Variants in NFATC1 observed in about 807,000 individuals in gnomAD.
The protein encoded by NFATC1 is nuclear factor of activated T-cells, cytoplasmic 1.
Under a neutral mutation model 76.0 loss-of-function variants are expected in NFATC1, and 22 were observed. The observed-to-expected ratio is 0.29, with a 90% CI of 0.21 to 0.41. The LOEUF (loss-of-function observed/expected upper bound fraction) is 0.41, where lower values mean the gene tolerates loss of function less well. NFATC1 is among the 10% of genes least tolerant of loss of function. The pLI is 1.00. For synonymous variants in NFATC1, 704 were observed against 613.1 expected, an observed-to-expected ratio of 1.15 and a Z score of -2.19; for missense variants, 1,357 against 1,337.7, an observed-to-expected ratio of 1.01 and a Z score of -0.23.
intron 3 of NFATC1, among the ~76,000 whole-genome samples, chr18:79,441,946 G>A (rs1037849543): frequency 9.9e-5 from 15 of 152,148 alleles, no homozygotes; most frequent in Non-Finnish European, 1.5e-4. Context: ...GAGCGTGGCC[G>A]TCTCTTCTCT....
At chr18:79,507,829 T>G (rs901633766) in intron 9 of NFATC1, among the ~76,000 whole-genome samples, 2 of 152,264 alleles carry the variant, frequency 1.3e-5, no homozygotes, top group Non-Finnish European at 2.9e-5. Flanking sequence ...AGTTAGGTTT[T>G]GGGAGCTTTC....
intron 2 of NFATC1, among the ~76,000 whole-genome samples, chr18:79,413,798 T>C (rs1004262814): frequency 1.3e-5 from 2 of 152,216 alleles, no homozygotes; most frequent in Non-Finnish European, 2.9e-5. Flanking sequence ...CTGTCCACCT[T>C]GGACCTGTGT....
At chr18:79,493,399 A>G (rs2089753829) in intron 9 of NFATC1, 1 of 152,208 alleles carries the variant, frequency 6.6e-6, no homozygotes. Context: ...CCTCGTGAGG[A>G]CAGCGGCCGT....
Position 79,450,995 on chromosome 18 carries a change from T to C in NFATC1, c.1631T>C (p.Ile544Thr), listed in dbSNP as rs2087447411. 1.2e-6 allele frequency: 2 copies of C among 1,613,834 alleles called. No homozygotes were observed. Among genetic ancestry groups the C allele is most frequent in the South Asian group, 1.1e-5 (1 of 91,076 alleles). ...ATCCTGAAACTCAGAAACTCCGACA[T>C]TGAACTTCGGAAAGGAGAGACGGAC... ...AGILKLRNSD[I>T]ELRKGETDIG... The change falls in exon 5 of 10, where the codon ATT (isoleucine) becomes ACT (threonine). Residue 544 changes from isoleucine to threonine, a missense_variant. By Grantham distance (89) the Ile-to-Thr change is moderately conservative. This residue lies in a region of NFATC1 where 242 missense variants were observed against 329.2 expected (regional missense o/e 0.74). Transcript: ENST00000427363.
At chr18:79,433,408 A>G (rs1446304702) in intron 2 of NFATC1, among the ~76,000 whole-genome samples, 171 bp from the exon 3 acceptor site, 1 of 152,232 alleles carries the variant, frequency 6.6e-6, no homozygotes, top group Non-Finnish European at 1.5e-5. Flanking sequence ...CCGTGGCCAC[A>G]GGTCACGATG....
At chr18:79,504,708 G>T (rs1270116357) in intron 9 of NFATC1, among the ~76,000 whole-genome samples, 1 of 152,294 alleles carries the variant, frequency 6.6e-6, no homozygotes, top group African/African-American at 2.4e-5. Context: ...CTGAAGCACA[G>T]TGAAGTGAGG....
Position 79,451,074 on chromosome 18 carries a change from A to G in NFATC1, c.1710A>G (p.Gln570=), listed in dbSNP as rs2144781899. 6.2e-7 allele frequency: 1 copy of G among 1,613,176 alleles called. No individual in the cohort carries two copies. Among genetic ancestry groups the G allele is most frequent in the Non-Finnish European group, 8.5e-7 (1 of 1,179,942 alleles). The stretch of plus-strand genomic sequence containing the variant: ...TGGTGTTCCGCGTTCACGTCCCGCA[A>G]CCCAGCGGCCGCACGCTGTCCCTGC... ...VRLVFRVHVP[Q]PSGRTLSLQV... The change falls in exon 5 of 10, where the codon CAA becomes CAG. Residue 570 remains glutamine (Q), a synonymous_variant. Transcript: ENST00000427363.
chr18:79,515,147 C>A (rs34679792), intron 9 of NFATC1, among the ~76,000 whole-genome samples: 1,525 of 152,078 alleles, frequency 0.01, 10 homozygotes, highest in Non-Finnish European at 0.013. Context: ...GAGTTTGAGA[C>A]CAGCGTGGCC....
intron 8 of NFATC1, among the ~76,000 whole-genome samples, chr18:79,479,200 G>A (rs1009241172): frequency 6.6e-6 from 1 of 152,278 alleles, no homozygotes; most frequent in Non-Finnish European, 1.5e-5. Context: ...CTGAAAATGA[G>A]CTGCCCTTTT....
intron 9 of NFATC1, among the ~76,000 whole-genome samples, chr18:79,506,432 A>G (rs2145154879): frequency 6.6e-6 from 1 of 152,264 alleles, no homozygotes; most frequent in Non-Finnish European, 1.5e-5. Flanking sequence ...ACCTGCTCTG[A>G]TATGCCCTCC....
intron 9 of NFATC1, among the ~76,000 whole-genome samples, chr18:79,511,675 C>T (rs2090257520): frequency 6.6e-6 from 1 of 152,140 alleles, no homozygotes; most frequent in Non-Finnish European, 1.5e-5. Context: ...GCAGTCAGGG[C>T]CTGGATTTCC....
At chr18:79,419,014 C>A (rs578077535) in intron 2 of NFATC1, among the ~76,000 whole-genome samples, 1 of 152,184 alleles carries the variant, frequency 6.6e-6, no homozygotes, top group African/African-American at 2.4e-5. Flanking sequence ...GAGAAAACAA[C>A]GTGGCTTTTT....
chr18:79,489,306 T>C (rs1274331887), intron 9 of NFATC1, among the ~76,000 whole-genome samples: 1 of 151,378 alleles, frequency 6.6e-6, no homozygotes, highest in Non-Finnish European at 1.5e-5. Context: ...GGGAGGGGAG[T>C]GCACAGACGA....
At chr18:79,514,606 C>T (rs761116212) in intron 9 of NFATC1, among the ~76,000 whole-genome samples, 3 of 151,356 alleles carry the variant, frequency 2.0e-5, no homozygotes, top group Non-Finnish European at 4.4e-5. Flanking sequence ...TCTCACTCCC[C>T]ACCCCCACCA....
At chr18:79,469,656 T>C in intron 8 of NFATC1, 1 of 985,654 alleles carries the variant, frequency 1.0e-6, no homozygotes, top group Non-Finnish European at 1.2e-6. Flanking sequence ...CCCCATCTGC[T>C]CCAGCATGGC....
intron 3 of NFATC1, among the ~76,000 whole-genome samples, chr18:79,441,171 A>G (rs1436434798): frequency 1.3e-5 from 2 of 152,192 alleles, no homozygotes; most frequent in Non-Finnish European, 2.9e-5. Flanking sequence ...TCCTAGGGAA[A>G]TAGAAGGTTT....
chr18:79,487,896 TTGTG>T (rs977232851), intron 9 of NFATC1, among the ~76,000 whole-genome samples: 1 of 152,272 alleles, frequency 6.6e-6, no homozygotes, highest in Non-Finnish European at 1.5e-5. Flanking sequence ...CTCGAATGGT[TTGTG>T]TGGGAATTGG....
rs1003582048 is a variant in NFATC1, at chr18:79,424,464, C to T, written c.1227-9115C>T. On this transcript the variant is annotated intron_variant, in intron 2 of 9. Transcript: ENST00000427363. ...CCTCACGTCGGAGAAATGCGCTGAT[C>T]GTCTCTCTCTCTCTTTGTCTCTCCA... Among the ~76,000 whole-genome samples the T allele has an allele frequency of 2.0e-5, 3 of 146,658 alleles. 1 individual carries two copies. The highest frequency in any genetic ancestry group is 4.5e-5 in the Non-Finnish European group (3 of 66,922).
At chr18:79,481,672 G>A (rs544828115) in intron 8 of NFATC1, among the ~76,000 whole-genome samples, 1 of 152,382 alleles carries the variant, frequency 6.6e-6, no homozygotes, top group South Asian at 2.1e-4. Context: ...GGGACTGAGA[G>A]CCATAGACCC....
Sources: allele counts gnomAD v4.1 joint callset (sites outside exome capture counted in the v4.1 genomes callset), GRCh38; gene constraint gnomAD v4.1.1; regional missense constraint gnomAD v4.1.1; transcripts MANE v1.5; gene names NCBI Gene and HGNC (gene_info 2026-07-23, HGNC 2026-07-21).